AOAH: variants seen among roughly 807,000 people sequenced by gnomAD.
The protein encoded by AOAH is acyloxyacyl hydrolase, also known as acyloxyacyl hydrolase (neutrophil).
In AOAH, 64 loss-of-function variants were observed where a neutral mutation model predicts 92.2. The ratio of observed to expected loss-of-function variants is 0.69; its 90% confidence interval spans 0.57 to 0.86. AOAH has a LOEUF of 0.86. Ranked by LOEUF, AOAH falls within the 40% of genes least tolerant of loss-of-function variation. The probability of loss-of-function intolerance (pLI) is 0.00; values close to 1 mark genes in which losing one functional copy is unlikely to be tolerated. For synonymous variants in AOAH, 263 were observed against 254.5 expected (o/e 1.03, Z -0.32); for missense variants, 656 against 694.6 (o/e 0.94, Z 0.62).
At chr7:36,565,227 C>A (rs977719042) in intron 13 of AOAH, among the ~76,000 whole-genome samples, 1 of 152,112 alleles carries the variant, frequency 6.6e-6, no homozygotes, top group South Asian at 2.1e-4. Context: ...GTTGCTGTCA[C>A]CACTCTGTAT....
chr7:36,513,108 T>C lies in AOAH; in HGVS notation c.*144A>G, dbSNP rs879116316. 1.0e-5 allele frequency: 16 copies of C among 1,600,404 alleles called. No homozygotes were observed. In the East Asian group the frequency reaches 2.2e-4, roughly 22 times the overall value. ...CACAGTCGTCCAGATATGCTCTTCATTGAGAGAAAGACATTTTGCAAAGAT... is the reference window on the plus strand; with the variant it reads ...CACAGTCGTCCAGATATGCTCTTCACTGAGAGAAAGACATTTTGCAAAGAT... On this transcript the variant is annotated 3_prime_UTR_variant, in exon 21 of 21. Transcript: ENST00000617537.
intron 20 of AOAH, 74 bp from the exon 21 acceptor site, chr7:36,513,454 G>T: frequency 6.7e-7 from 1 of 1,495,734 alleles, no homozygotes. Context: ...TTTCCCACGT[G>T]CTTTCTGCCA....
intron 6 of AOAH, among the ~76,000 whole-genome samples, chr7:36,627,615 G>T (rs1792768694): frequency 6.6e-6 from 1 of 152,056 alleles, no homozygotes; most frequent in South Asian, 2.1e-4. Flanking sequence ...TGCAAGGATG[G>T]CTCCTCGGGA....
At position 36,602,590 on chromosome 7, in the gene AOAH, C is replaced by T. The variant is rs1436425032; in HGVS notation, c.847-8160G>A. Among the ~76,000 whole-genome samples, 6 of 150,532 alleles carry T rather than the reference C, an allele frequency of 4.0e-5. No individual in the cohort carries two copies. The South Asian group carries it at 6.3e-4, about 16-fold the overall frequency. On this transcript the variant is annotated intron_variant, in intron 11 of 20. Coordinates refer to ENST00000617537, the MANE Select transcript of AOAH (RefSeq NM_001637.4). ...AAGGCCATTGAAACAAATTCTTCCA[C>T]AAACAGAAAAAAAAAAATTCCTCCA... is the stretch of plus-strand genomic sequence containing the variant.
At chr7:36,601,538 T>G (rs936290906) in intron 11 of AOAH, among the ~76,000 whole-genome samples, 6 of 152,236 alleles carry the variant, frequency 3.9e-5, no homozygotes, top group African/African-American at 1.2e-4. Flanking sequence ...AGTCTTTCCT[T>G]AATCCTTCTG....
intron 13 of AOAH, chr7:36,550,184 G>C (rs9638923): frequency 0.35 from 53,043 of 151,790 alleles, 9,992 homozygotes; most frequent in Middle Eastern, 0.43. Context: ...GCGAAACCTT[G>C]TCTCTACTAA....
intron 12 of AOAH, among the ~76,000 whole-genome samples, chr7:36,586,439 CTCT>C (rs986681935): frequency 3.9e-5 from 6 of 152,282 alleles, no homozygotes; most frequent in African/African-American, 1.4e-4. Context: ...GGCTGATGCT[CTCT>C]TCTTATTTGG....
intron 13 of AOAH, among the ~76,000 whole-genome samples, chr7:36,554,710 AG>A (rs1448222532): frequency 2.0e-5 from 3 of 150,800 alleles, no homozygotes; most frequent in African/African-American, 7.3e-5. Flanking sequence ...GTCCCTTGTA[AG>A]TTGGATTCCT....
At chr7:36,553,837 T>A (rs1786471819) in intron 13 of AOAH, among the ~76,000 whole-genome samples, 2 of 152,230 alleles carry the variant, frequency 1.3e-5, no homozygotes, top group Non-Finnish European at 2.9e-5. Flanking sequence ...GGTTGTTTGT[T>A]TTTTCTTGTA....
intron 13 of AOAH, among the ~76,000 whole-genome samples, chr7:36,551,790 T>C (rs1354948879): frequency 1.3e-5 from 2 of 152,252 alleles, no homozygotes; most frequent in African/African-American, 4.8e-5. Flanking sequence ...TTTGGACGTA[T>C]GGTATATCTA....
chr7:36,706,611 A>G (rs1798428216), intron 1 of AOAH, among the ~76,000 whole-genome samples: 1 of 152,214 alleles, frequency 6.6e-6, no homozygotes, highest in African/African-American at 2.4e-5. Context: ...TCTAGCTATG[A>G]AAGTCATATA....
Position 36,614,621 on chromosome 7 carries a change from C to A in AOAH, c.846+1759G>T, listed in dbSNP as rs924740626. Among the ~76,000 whole-genome samples the A allele has an allele frequency of 3.9e-5, 6 of 152,118 alleles. No homozygotes were observed. The highest frequency in any genetic ancestry group is 7.4e-5 in the Non-Finnish European group (5 of 68,010). On this transcript the variant is annotated intron_variant, in intron 11 of 20. Transcript: ENST00000617537. The surrounding 1 kb of genome is among the most constrained non-coding windows in gnomAD (Gnocchi z 4.2). ...GCCCTGCGACTGCTGCACCCTCCAA[C>A]AAAGTGGCAATTAAATGGTGTCAAT...
chr7:36,521,281 T>C (rs1784095327), intron 20 of AOAH, among the ~76,000 whole-genome samples: 1 of 152,130 alleles, frequency 6.6e-6, no homozygotes, highest in East Asian at 1.9e-4. Flanking sequence ...TCCCTCCCCA[T>C]AGAGGAGCAG....
intron 12 of AOAH, among the ~76,000 whole-genome samples, chr7:36,585,271 G>A (rs1674822738): frequency 6.6e-6 from 1 of 152,072 alleles, no homozygotes; most frequent in Admixed American, 6.6e-5. Flanking sequence ...GTGAAAAGAT[G>A]CTCAAACTCA....
At chr7:36,652,306 A>G (rs938061532) in intron 4 of AOAH, among the ~76,000 whole-genome samples, 1 of 152,254 alleles carries the variant, frequency 6.6e-6, no homozygotes, top group Non-Finnish European at 1.5e-5. Flanking sequence ...AATAGTGTAT[A>G]TTTGAATTAT....
At position 36,576,565 on chromosome 7, in the gene AOAH, G is replaced by T. The variant is rs753673175; in HGVS notation, c.1021+9C>A. 1.2e-5 allele frequency: 18 copies of T among 1,517,690 alleles called. No individual in the cohort carries two copies. The South Asian group carries it at 2.2e-4, about 18-fold the overall frequency. The allele number at this position is 1,517,690 out of a possible 1,614,324, so 94.0% of individuals were successfully genotyped here. ...ACATTGATGAAGGCTTAAATGGAAA[G>T]TTACGTACCATTTCTTGAAATATTC... On this transcript the variant is annotated intron_variant, in intron 13 of 20. Coordinates refer to ENST00000617537, the MANE Select transcript of AOAH (RefSeq NM_001637.4).
chr7:36,574,660 T>C (rs1001079602), intron 13 of AOAH, among the ~76,000 whole-genome samples: 4 of 152,204 alleles, frequency 2.6e-5, no homozygotes, highest in Admixed American at 1.3e-4. Context: ...CCTCATACCT[T>C]TGGCTATGGA....
At position 36,605,173 on chromosome 7, in the gene AOAH, G is replaced by C. The variant is rs558066044; in HGVS notation, c.847-10743C>G. ...TAGAAGCCAGTCTTGCCTCCTAGACGTTTGACTAGAGCTGGGCTGGATAAT... is the reference window on the plus strand; with the variant it reads ...TAGAAGCCAGTCTTGCCTCCTAGACCTTTGACTAGAGCTGGGCTGGATAAT... On this transcript the variant is annotated intron_variant, in intron 11 of 20. Transcript: ENST00000617537. Among the ~76,000 whole-genome samples, 15 of 152,248 alleles carry C rather than the reference G, an allele frequency of 9.9e-5. No individual in the cohort carries two copies. In the South Asian group the frequency reaches 2.9e-3, roughly 29 times the overall value.
At chr7:36,561,809 C>G (rs1384531905) in intron 13 of AOAH, among the ~76,000 whole-genome samples, 1 of 152,068 alleles carries the variant, frequency 6.6e-6, no homozygotes, top group African/African-American at 2.4e-5. Flanking sequence ...GCAGAACACC[C>G]ACAGAGCTTG....
Sources: allele counts gnomAD v4.1 joint callset (sites outside exome capture counted in the v4.1 genomes callset), GRCh38; gene constraint gnomAD v4.1.1; non-coding constraint Gnocchi (gnomAD v3.1); transcripts MANE v1.5; gene names NCBI Gene and HGNC (gene_info 2026-07-23, HGNC 2026-07-21).